Variants in ZNF469 observed in about 807,000 individuals in gnomAD.
ZNF469 encodes the protein zinc finger protein 469.
In ZNF469, 1 loss-of-function variant was observed where a neutral mutation model predicts 1.0. That is an observed-to-expected ratio of 1.00 (90% CI 0.35 to 4.73). The LOEUF (loss-of-function observed/expected upper bound fraction) is 4.73, where lower values mean the gene tolerates loss of function less well. Among genes scored for constraint, ZNF469 ranks in the 30% most tolerant of loss-of-function variants. The pLI is 0.16. For missense variants in ZNF469, 6,100 were observed against 5,356.3 expected, an observed-to-expected ratio of 1.14 and a Z score of -4.33; for synonymous variants, 2,703 against 2,363.4, an observed-to-expected ratio of 1.14 and a Z score of -4.17.
chr16:88,435,811 G>A lies in ZNF469; in HGVS notation c.8341G>A (p.Ala2781Thr), dbSNP rs1368577754. Residue 2781 changes from alanine to threonine, a missense_variant, in exon 3 of 3, where the codon GCC becomes ACC. Coordinates refer to ENST00000565624, the MANE Select transcript of ZNF469 (RefSeq NM_001367624.2). Reference sequence around the variant, plus strand: ...CGAGCCTGCGGAGGACAGCAGCAGGGCCCACAGCCGATCAGAGGAAGGTGT... The same window carrying A: ...CGAGCCTGCGGAGGACAGCAGCAGGACCCACAGCCGATCAGAGGAAGGTGT... ...GSEPAEDSSR[A>T]HSRSEEGVWE... 4 of 1,550,518 alleles carry A rather than the reference G, an allele frequency of 2.6e-6. No individual in the cohort carries two copies. The East Asian group carries it at 7.3e-5, about 28-fold the overall frequency.
At chr16:88,420,979 G>A (rs946240458) in intron 1 of ZNF469, among the ~76,000 whole-genome samples, 3 of 152,182 alleles carry the variant, frequency 2.0e-5, no homozygotes, top group Non-Finnish European at 2.9e-5. Flanking sequence ...CCAATCCGAG[G>A]GATCTTCTCC....
At chr16:88,114,175 CG>C in the ZNF469 span, among the ~76,000 whole-genome samples, 1 of 150,836 alleles carries the variant, frequency 6.6e-6, no homozygotes, top group Non-Finnish European at 1.5e-5. Flanking sequence ...GCGGGGGTCT[CG>C]GGGGAGAATG....
At position 88,435,653 on chromosome 16, in the gene ZNF469, G is replaced by A. The variant is rs1378526888; in HGVS notation, c.8183G>A (p.Arg2728Gln). 23 of 1,550,410 alleles carry A rather than the reference G, an allele frequency of 1.5e-5. No individual in the cohort carries two copies. Among genetic ancestry groups the A allele is most frequent in the Admixed American group, 5.9e-5 (3 of 50,996 alleles). Residue 2728 changes from arginine to glutamine, a missense_variant, in exon 3 of 3, where the codon CGG becomes CAG. Arg to Gln is a conservative substitution (Grantham distance 43). Transcript: ENST00000565624. ...GGGGCCCAGAAGCCACCTGGAGATC[G>A]GATGCTGTGTCCAGGGAGGATGGAT... is the stretch of plus-strand genomic sequence containing the variant. ...ETGAQKPPGD[R>Q]MLCPGRMDGA...
the ZNF469 span, among the ~76,000 whole-genome samples, chr16:88,157,611 C>T: frequency 2.6e-5 from 4 of 152,030 alleles, no homozygotes; most frequent in Non-Finnish European, 5.9e-5. Flanking sequence ...ATGACAGACC[C>T]TCTCAGGGGC....
chr16:88,117,560 TCACGTGCCTTCACGGACCGTGGAGGTGC>T, the ZNF469 span, among the ~76,000 whole-genome samples: 34 of 29,420 alleles, frequency 1.2e-3, no homozygotes, highest in Admixed American at 9.6e-3. Context: ...TGTGGAAGTG[TCACGTGCCTTCACGGACCGTGGAGGTGC>T]CACGTGCCTT....
At chr16:88,200,117 C>T in the ZNF469 span, among the ~76,000 whole-genome samples, 1 of 125,372 alleles carries the variant, frequency 8.0e-6, no homozygotes, top group Non-Finnish European at 1.8e-5. Context: ...GAGGAGTGCC[C>T]GGCACGGCCG....
In ZNF469 at chr16:88,430,666, G is replaced by GGGCGGCGGGCGGGCAGGTGCGGCTCCCT. The variant is rs2142303465; in HGVS notation, c.3206_3233dup (p.Arg1079GlyfsTer16). ...GAAGAACAGGCGCCACCGGCGGCTG[G>GGGCGGCGGGCGGGCAGGTGCGGCTCCCT]GGCGGCGGGCGGGCAGGTGCGGCTC... On this transcript the variant is annotated frameshift_variant, in exon 3 of 3. Transcript: ENST00000565624. LOFTEE classifies it low-confidence loss of function (END_TRUNC). The GGGCGGCGGGCGGGCAGGTGCGGCTCCCT allele has an allele frequency of 6.7e-7, 1 of 1,495,328 alleles. No individual in the cohort carries two copies. Among genetic ancestry groups the GGGCGGCGGGCGGGCAGGTGCGGCTCCCT allele is most frequent in the Non-Finnish European group, 8.9e-7 (1 of 1,129,460 alleles). 92.6% of individuals were successfully genotyped at this position (1,495,328 alleles called of 1,614,324 possible).
the ZNF469 span, among the ~76,000 whole-genome samples, chr16:88,164,770 A>G: frequency 6.6e-6 from 1 of 152,014 alleles, no homozygotes; most frequent in Non-Finnish European, 1.5e-5. Flanking sequence ...AAATCTTCAC[A>G]GGGAAGCAGC....
chr16:88,262,917 C>G, the ZNF469 span, among the ~76,000 whole-genome samples: 1 of 152,234 alleles, frequency 6.6e-6, no homozygotes, highest in Admixed American at 6.5e-5. This position sits in a 1 kb window ranked among gnomAD's most constrained non-coding sequence, Gnocchi z 4.3. Context: ...CAGCCTCCTA[C>G]GGATGAGCTC....
the ZNF469 span, among the ~76,000 whole-genome samples, chr16:88,377,297 G>T: frequency 1.3e-5 from 2 of 152,258 alleles, no homozygotes; most frequent in African/African-American, 4.8e-5. Flanking sequence ...GGGTGGGCAA[G>T]GTGGATCCTG....
Position 88,432,459 on chromosome 16 carries a change from C to G in ZNF469, c.4989C>G (p.Ser1663=). ...GGGGGACGTGGCCCTGCCCAGCCTC[C>G]TTCCATCCGGGACATGCAGCCCTTC... The part of the protein sequence containing the change: ...RPGGTWPCPA[S]FHPGHAALLP... The change falls in exon 3 of 3, where the codon TCC becomes TCG. Residue 1663 remains serine, a synonymous_variant. Coordinates refer to ENST00000565624, the MANE Select transcript of ZNF469 (RefSeq NM_001367624.2). 1.3e-6 allele frequency: 2 copies of G among 1,550,358 alleles called. No individual in the cohort carries two copies. The highest frequency in any genetic ancestry group is 4.9e-5 in the East Asian group (2 of 40,916).
chr16:88,267,290 T>C, the ZNF469 span, among the ~76,000 whole-genome samples: 1 of 152,196 alleles, frequency 6.6e-6, no homozygotes, highest in South Asian at 2.1e-4. Context: ...ATTCTTTCCC[T>C]GTGGCCCCGT....
chr16:88,386,874 G>C (rs1054036954), intron 1 of ZNF469, among the ~76,000 whole-genome samples: 3 of 126,246 alleles, frequency 2.4e-5, no homozygotes, highest in Non-Finnish European at 4.9e-5. Flanking sequence ...CTCAGGGCCT[G>C]TTTCTTTGGC....
the ZNF469 span, among the ~76,000 whole-genome samples, chr16:88,119,215 C>A: frequency 6.6e-6 from 1 of 152,162 alleles, no homozygotes; most frequent in African/African-American, 2.4e-5. Context: ...TCAGCCGAGG[C>A]GGTCTCACGG....
At chr16:88,260,750 A>T in the ZNF469 span, among the ~76,000 whole-genome samples, 1 of 152,170 alleles carries the variant, frequency 6.6e-6, no homozygotes, top group Non-Finnish European at 1.5e-5. The surrounding 1 kb of genome is among the most constrained non-coding windows in gnomAD (Gnocchi z 4.1). Flanking sequence ...GGACCTGTGA[A>T]TGCTACTTTA....
the ZNF469 span, among the ~76,000 whole-genome samples, chr16:88,228,053 A>T: frequency 2.0e-5 from 3 of 152,222 alleles, no homozygotes; most frequent in African/African-American, 7.2e-5. Flanking sequence ...TCTTATGGGG[A>T]CACCCACCGT....
the ZNF469 span, among the ~76,000 whole-genome samples, chr16:88,340,857 G>A: frequency 6.6e-6 from 1 of 152,166 alleles, no homozygotes; most frequent in Non-Finnish European, 1.5e-5. Context: ...GAGGGACCGT[G>A]AGAGGACTTG....
the ZNF469 span, among the ~76,000 whole-genome samples, chr16:88,193,114 G>T: frequency 9.1e-5 from 6 of 65,864 alleles, no homozygotes; most frequent in East Asian, 1.4e-3. Context: ...GGTGGTGGTG[G>T]TGATGGTGGT....
the ZNF469 span, among the ~76,000 whole-genome samples, chr16:88,249,419 T>C: frequency 9.7e-5 from 9 of 93,016 alleles, no homozygotes; most frequent in South Asian, 1.2e-3. Context: ...TTTTCTTTCT[T>C]TTTCTTTTTC....
Sources: gnomAD v4.1 joint callset for allele counts (sites outside exome capture counted in the v4.1 genomes callset) on GRCh38, gnomAD v4.1.1 for gene constraint, Gnocchi (gnomAD v3.1) non-coding constraint, MANE v1.5 for transcripts, NCBI Gene and HGNC (gene_info 2026-07-23, HGNC 2026-07-21) for gene names.